The following DYNC2H1 variants were observed in gnomAD, a reference collection of about 807,000 sequenced individuals.
DYNC2H1 encodes the protein cytoplasmic dynein 2 heavy chain 1.
Under a neutral mutation model 570.0 loss-of-function variants are expected in DYNC2H1, and 410 were observed. The observed-to-expected ratio is 0.72, with a 90% confidence interval of 0.66 to 0.78. The LOEUF (loss-of-function observed/expected upper bound fraction) is 0.78, where lower values mean the gene tolerates loss of function less well. Among genes scored for constraint, DYNC2H1 ranks in the 30% least tolerant of loss-of-function variants. The pLI, the probability that DYNC2H1 is intolerant of heterozygous loss-of-function variation, is 0.00. For synonymous variants in DYNC2H1, 1,688 were observed against 1,677.6 expected (o/e 1.01, Z -0.15); for missense variants, 4,865 against 5,046.4 (o/e 0.96, Z 1.09).
chr11:103,322,064 T>C (rs1245083296), intron 81 of DYNC2H1, among the ~76,000 whole-genome samples: 5 of 152,202 alleles, frequency 3.3e-5, no homozygotes, highest in African/African-American at 1.2e-4. Flanking sequence ...TCTTACTGAC[T>C]ATCTTACTTA....
In DYNC2H1 at chr11:103,115,227, C is replaced by G. The variant is rs566324506; in HGVS notation, c.553C>G (p.Arg185Gly). Residue 185 changes from arginine to glycine, a missense_variant, in exon 4 of 89, where the codon CGT (arginine) becomes GGT (glycine). Transcript: ENST00000375735. ...EFQFWIEQAH[R>G]GNKQISKERA... ...CCAGTTTTGGATAGAACAAGCTCAC[C>G]GTGGAAATAAACAGATTAGTAAAGA... 14 of 1,610,148 alleles carry G rather than the reference C, an allele frequency of 8.7e-6. No homozygotes were observed. Among genetic ancestry groups the G allele is most frequent in the Non-Finnish European group, 1.0e-5 (12 of 1,178,300 alleles).
intron 59 of DYNC2H1, among the ~76,000 whole-genome samples, chr11:103,230,548 T>C (rs1225817398): frequency 1.3e-5 from 2 of 152,188 alleles, no homozygotes; most frequent in Non-Finnish European, 2.9e-5. Flanking sequence ...CAATAGAGGA[T>C]GGATTCTGAG....
At chr11:103,274,155 C>G (rs191580993) in intron 70 of DYNC2H1, among the ~76,000 whole-genome samples, 3 of 150,430 alleles carry the variant, frequency 2.0e-5, no homozygotes, top group Non-Finnish European at 3.0e-5. Context: ...TATACACACA[C>G]ATATATATAT....
At chr11:103,424,793 A>G (rs1304849763) in intron 84 of DYNC2H1, among the ~76,000 whole-genome samples, 2 of 151,912 alleles carry the variant, frequency 1.3e-5, no homozygotes, top group Non-Finnish European at 2.9e-5. Flanking sequence ...GACTGATTTC[A>G]AGTTACCAAT....
chr11:103,136,861 A>G (rs1248604251), intron 17 of DYNC2H1, among the ~76,000 whole-genome samples: 1 of 152,116 alleles, frequency 6.6e-6, no homozygotes, highest in East Asian at 1.9e-4. Flanking sequence ...AAGTGTTCCT[A>G]TTTCTCCACA....
intron 80 of DYNC2H1, among the ~76,000 whole-genome samples, chr11:103,317,419 T>C (rs1282754910): frequency 6.6e-6 from 1 of 152,034 alleles, no homozygotes; most frequent in African/African-American, 2.4e-5. Context: ...ATTTCTATCC[T>C]TTGCAAATCA....
At chr11:103,345,089 C>T (rs554988206) in intron 82 of DYNC2H1, among the ~76,000 whole-genome samples, 9 of 152,274 alleles carry the variant, frequency 5.9e-5, no homozygotes, top group South Asian at 2.1e-4. Context: ...GCTTATTTTT[C>T]GAACATTATA....
At chr11:103,227,348 T>G (rs989320629) in intron 59 of DYNC2H1, among the ~76,000 whole-genome samples, 1 of 152,184 alleles carries the variant, frequency 6.6e-6, no homozygotes, top group Non-Finnish European at 1.5e-5. Flanking sequence ...GGCACCATCT[T>G]TGCTGTATTT....
At chr11:103,121,693 A>G (rs1858720977) in intron 10 of DYNC2H1, among the ~76,000 whole-genome samples, 197 bp downstream of exon 10, 1 of 152,202 alleles carries the variant, frequency 6.6e-6, no homozygotes, top group Non-Finnish European at 1.5e-5. Context: ...TTCTGTAGAG[A>G]TAATGCATCA....
chr11:103,332,309 T>A (rs1591590866), intron 82 of DYNC2H1, among the ~76,000 whole-genome samples: 39 of 74,448 alleles, frequency 5.2e-4, no homozygotes, highest in Non-Finnish European at 6.1e-4. Context: ...AGAAAAAAAC[T>A]GGGAAAAAAA....
chr11:103,236,910 A>T (rs77729727), intron 63 of DYNC2H1, among the ~76,000 whole-genome samples: 13,430 of 151,964 alleles, frequency 0.088, 776 homozygotes, highest in Non-Finnish European at 0.12. Context: ...TTATTTTGCC[A>T]AACAAAATTA....
intron 4 of DYNC2H1, among the ~76,000 whole-genome samples, chr11:103,115,816 A>T (rs1858361191): frequency 6.6e-6 from 1 of 152,114 alleles, no homozygotes; most frequent in African/African-American, 2.4e-5. Context: ...AAAAAACCCC[A>T]AAATTACTTT....
chr11:103,302,298 T>C (rs771078978), intron 75 of DYNC2H1, among the ~76,000 whole-genome samples: 10 of 152,054 alleles, frequency 6.6e-5, no homozygotes, highest in Admixed American at 2.0e-4. Flanking sequence ...CATTGTATGG[T>C]TTATATATCA....
Position 103,170,862 on chromosome 11 carries a change from A to G in DYNC2H1, c.5152-24A>G, listed in dbSNP as rs762454220. 5.6e-6 allele frequency: 8 copies of G among 1,428,292 alleles called. No homozygotes were observed. The highest frequency in any genetic ancestry group is 4.8e-5 in the East Asian group (2 of 41,600). The allele number at this position is 1,428,292 out of a possible 1,614,324, so 88.5% of individuals were successfully genotyped here. On this transcript the variant is annotated intron_variant, in intron 33 of 88. Transcript: ENST00000375735. The surrounding 1 kb of genome is among the most constrained non-coding windows in gnomAD (Gnocchi z 4.8). ...AGATTTTGATTATTTTTTAATGACTATAATTTTTATTGTTGTTTTTAAGGG... is the reference window on the plus strand; with the variant it reads ...AGATTTTGATTATTTTTTAATGACTGTAATTTTTATTGTTGTTTTTAAGGG...
intron 26 of DYNC2H1, 86 bp downstream of exon 26, chr11:103,156,856 A>G (rs1860857990): frequency 6.7e-7 from 1 of 1,482,210 alleles, no homozygotes; most frequent in Non-Finnish European, 9.0e-7. Context: ...CAGGCAAATT[A>G]CTTTTACATG....
rs562615883 is a variant in DYNC2H1 at position 103,299,433 on chromosome 11, A to G, written c.11096-3660A>G. Among the ~76,000 whole-genome samples, 1 of 152,198 alleles carries G rather than the reference A, an allele frequency of 6.6e-6. No homozygotes were observed. The highest frequency in any genetic ancestry group is 2.4e-5 in the African/African-American group (1 of 41,554). On this transcript the variant is annotated intron_variant, in intron 75 of 88. Transcript: ENST00000375735. This position sits in a 1 kb window ranked among gnomAD's most constrained non-coding sequence, Gnocchi z 4.5. ...CAGGTTTCTTTGCTCCAAGTTTTGG[A>G]AGCCCTGGGGAAAATCCACTTCCAA...
intron 84 of DYNC2H1, among the ~76,000 whole-genome samples, chr11:103,426,949 C>A (rs1367960137): frequency 6.6e-6 from 1 of 152,010 alleles, no homozygotes; most frequent in East Asian, 1.9e-4. Context: ...TATAAAAATT[C>A]ATAAATGTGT....
At chr11:103,390,496 C>T (rs1005320074) in intron 83 of DYNC2H1, among the ~76,000 whole-genome samples, 1 of 152,104 alleles carries the variant, frequency 6.6e-6, no homozygotes, top group African/African-American at 2.4e-5. Context: ...AGCCCATTTA[C>T]ATTTAAGGTT....
intron 87 of DYNC2H1, among the ~76,000 whole-genome samples, chr11:103,463,966 T>C (rs1945105415): frequency 6.6e-6 from 1 of 152,060 alleles, no homozygotes; most frequent in Non-Finnish European, 1.5e-5. Flanking sequence ...TGTATGTAGA[T>C]ATGGAAGGGA....
Sources: allele counts gnomAD v4.1 joint callset (sites outside exome capture counted in the v4.1 genomes callset), GRCh38; gene constraint gnomAD v4.1.1; non-coding constraint Gnocchi (gnomAD v3.1); transcripts MANE v1.5; gene names NCBI Gene and HGNC (gene_info 2026-07-23, HGNC 2026-07-21).